PLD5: variants seen among roughly 807,000 people sequenced by gnomAD.
PLD5 encodes phospholipase D family member 5.
PLD5 carries 36 observed loss-of-function variants against 61.1 expected under a neutral mutation model. The observed-to-expected ratio is 0.59, with a 90% CI of 0.45 to 0.78. The LOEUF is 0.78. Among genes scored for constraint, PLD5 ranks in the 30% least tolerant of loss-of-function variants. The pLI, the probability that PLD5 is intolerant of heterozygous loss-of-function variation, is 0.00. For synonymous variants in PLD5, 243 were observed against 242.8 expected (o/e 1.00, Z -0.01); for missense variants, 515 against 644.4 (o/e 0.80, Z 2.17).
At chr1:242,284,454 C>T (rs572585917) in intron 3 of PLD5, among the ~76,000 whole-genome samples, 15 of 152,036 alleles carry the variant, frequency 9.9e-5, no homozygotes, top group Non-Finnish European at 1.8e-4. Flanking sequence ...CTTTAAGTGC[C>T]CAAGAAATGC....
intron 7 of PLD5, 62 bp from the exon 8 acceptor site, chr1:242,107,901 T>A: frequency 1.4e-6 from 2 of 1,419,772 alleles, no homozygotes; most frequent in Non-Finnish European, 1.9e-6. Flanking sequence ...AGAAATTTAC[T>A]AGACAGCATA....
intron 1 of PLD5, among the ~76,000 whole-genome samples, chr1:242,352,751 G>A (rs1660548587): frequency 6.6e-6 from 1 of 152,184 alleles, no homozygotes; most frequent in Admixed American, 6.5e-5. Context: ...CAGGTGTAAA[G>A]TAATATCTTG....
Position 242,524,604 on chromosome 1 carries a change from G to C in PLD5, c.-328C>G, listed in dbSNP as rs1234072828. On this transcript the variant is annotated 5_prime_UTR_variant, in exon 1 of 10. Coordinates refer to ENST00000536534, the MANE Select transcript of PLD5 (RefSeq NM_001372062.1). Reference sequence around the variant, plus strand: ...ACAGGGAGGGAAAGGAACCTGCTCCGGGGAGACAGAAGTGCCCGGTGCGGC... The same window carrying C: ...ACAGGGAGGGAAAGGAACCTGCTCCCGGGAGACAGAAGTGCCCGGTGCGGC... The C allele has an allele frequency of 8.7e-6, 2 of 230,430 alleles. No individual in the cohort carries two copies. Among genetic ancestry groups the C allele is most frequent in the Non-Finnish European group, 1.7e-5 (2 of 118,704 alleles). The allele number at this position is 230,430 out of a possible 1,614,324, so 14.3% of individuals were successfully genotyped here.
At chr1:242,213,784 T>C (rs1025104069) in intron 5 of PLD5, among the ~76,000 whole-genome samples, 10 of 150,756 alleles carry the variant, frequency 6.6e-5, no homozygotes, top group Non-Finnish European at 1.2e-4. Flanking sequence ...CATCCAGTTA[T>C]TTATTTTTCC....
intron 5 of PLD5, among the ~76,000 whole-genome samples, chr1:242,163,897 G>A (rs757595330): frequency 1.4e-5 from 2 of 145,292 alleles, no homozygotes; most frequent in Non-Finnish European, 1.5e-5. Flanking sequence ...GTCTCCTAAA[G>A]AGAGAGTTAT....
At chr1:242,281,033 G>A (rs1273218071) in intron 3 of PLD5, among the ~76,000 whole-genome samples, 2 of 152,160 alleles carry the variant, frequency 1.3e-5, no homozygotes, top group Non-Finnish European at 2.9e-5. Context: ...AAAAGATGAC[G>A]GAGCCTGGGA....
At chr1:242,246,516 C>CACAA (rs1475199350) in intron 4 of PLD5, among the ~76,000 whole-genome samples, 1 of 147,354 alleles carries the variant, frequency 6.8e-6, no homozygotes, top group Non-Finnish European at 1.5e-5. Context: ...CACACACACA[C>CACAA]AAAAGCAAAA....
At chr1:242,142,623 C>T (rs753643490) in intron 5 of PLD5, among the ~76,000 whole-genome samples, 102 of 151,700 alleles carry the variant, frequency 6.7e-4, no homozygotes, top group East Asian at 2.1e-3. Context: ...TATAGCTATC[C>T]ACTTCTTTAC....
At chr1:242,484,312 C>T (rs1256224004) in intron 1 of PLD5, among the ~76,000 whole-genome samples, 1 of 151,942 alleles carries the variant, frequency 6.6e-6, no homozygotes, top group Non-Finnish European at 1.5e-5. Context: ...AGACCACTAG[C>T]AAGACTAATA....
intron 1 of PLD5, among the ~76,000 whole-genome samples, chr1:242,466,933 C>T (rs1016972655): frequency 3.7e-5 from 3 of 81,986 alleles, no homozygotes; most frequent in African/African-American, 2.1e-4. Flanking sequence ...TAGAATAGAG[C>T]GCTGGTTACC....
At chr1:242,468,478 A>G (rs1449061419) in intron 1 of PLD5, among the ~76,000 whole-genome samples, 1 of 152,166 alleles carries the variant, frequency 6.6e-6, no homozygotes, top group East Asian at 1.9e-4. Flanking sequence ...TTCACTCCTC[A>G]AATTAATTAA....
intron 1 of PLD5, among the ~76,000 whole-genome samples, chr1:242,360,079 AT>A (rs1660983518): frequency 1.3e-5 from 2 of 152,164 alleles, no homozygotes; most frequent in South Asian, 4.1e-4. Context: ...GTAAAGCAAT[AT>A]TTCCCAAATT....
At chr1:242,399,685 CG>C (rs1272151515) in intron 1 of PLD5, among the ~76,000 whole-genome samples, 4 of 151,954 alleles carry the variant, frequency 2.6e-5, no homozygotes, top group Admixed American at 6.6e-5. Context: ...CCCCAATCCC[CG>C]GGCTGCAAAC....
intron 2 of PLD5, among the ~76,000 whole-genome samples, chr1:242,328,448 T>TTCTACATACA (rs1339140373): frequency 6.6e-6 from 1 of 152,192 alleles, no homozygotes; most frequent in Non-Finnish European, 1.5e-5. Flanking sequence ...CATACATGTG[T>TTCTACATACA]TGTACATGTG....
Position 242,299,025 on chromosome 1 carries a change from GA to G in PLD5, c.327-10496del, listed in dbSNP as rs142086967. On this transcript the variant is annotated intron_variant, in intron 2 of 9. Coordinates refer to ENST00000536534, the MANE Select transcript of PLD5 (RefSeq NM_001372062.1). ...AACACAGTAGAAAGACAGGTGATTG[GA>G]AAAAAAAAAAAGTGGTTACAACTTA... is the stretch of plus-strand genomic sequence containing the variant. Among the ~76,000 whole-genome samples the G allele has an allele frequency of 1.9e-3, 267 of 141,350 alleles. 2 individuals carry two copies. The highest frequency in any genetic ancestry group is 4.8e-3 in the African/African-American group (185 of 38,572). The allele number at this position is 141,350 out of a possible 152,430, so 92.7% of individuals were successfully genotyped here.
rs553463969 is a variant in PLD5, at chr1:242,135,928, C to T, written c.736-11263G>A. 1.6e-4 allele frequency among the ~76,000 whole-genome samples: 25 copies of T among 152,192 alleles called. No homozygotes were observed. The South Asian group carries it at 1.7e-3, about 10-fold the overall frequency. ...AGGAAGATTGACCTCCCTAGCGAGA[C>T]GAAGGAATGAATTTAGCATGCAGAG... On this transcript the variant is annotated intron_variant, in intron 5 of 9. Coordinates refer to ENST00000536534, the MANE Select transcript of PLD5 (RefSeq NM_001372062.1).
chr1:242,164,402 T>C (rs1574429488), intron 5 of PLD5, among the ~76,000 whole-genome samples: 1 of 77,916 alleles, frequency 1.3e-5, no homozygotes, highest in Non-Finnish European at 2.7e-5. Context: ...TTGACAAATA[T>C]TAAAAAAAAA....
At chr1:242,331,459 T>C (rs1279805847) in intron 2 of PLD5, among the ~76,000 whole-genome samples, 2 of 152,056 alleles carry the variant, frequency 1.3e-5, no homozygotes, top group African/African-American at 4.8e-5. Flanking sequence ...AAAGCACACC[T>C]CTGAGAAGCC....
chr1:242,420,214 G>A (rs1665064305), intron 1 of PLD5, among the ~76,000 whole-genome samples: 1 of 152,150 alleles, frequency 6.6e-6, no homozygotes, highest in South Asian at 2.1e-4. Flanking sequence ...ATATGCATAA[G>A]AAAACTGAGA....
Sources: gnomAD v4.1 joint callset for allele counts (sites outside exome capture counted in the v4.1 genomes callset) on GRCh38, gnomAD v4.1.1 for gene constraint, MANE v1.5 for transcripts, NCBI Gene and HGNC (gene_info 2026-07-23, HGNC 2026-07-21) for gene names.